KCNJ3: variants seen among roughly 807,000 people sequenced by gnomAD.
The protein encoded by KCNJ3 is G protein-activated inward rectifier potassium channel 1.
Under a neutral mutation model 39.2 loss-of-function variants are expected in KCNJ3, and 4 were observed. The ratio of observed to expected loss-of-function variants is 0.10; its 90% CI spans 0.05 to 0.23. The LOEUF is 0.23. Ranked by LOEUF, KCNJ3 falls within the 10% of genes least tolerant of loss-of-function variation. KCNJ3 has a pLI of 1.00. For missense variants in KCNJ3, 276 were observed against 634.9 expected (o/e 0.43, Z 6.08); for synonymous variants, 230 against 237.4 (o/e 0.97, Z 0.29).
At chr2:154,758,224 T>C (rs1245579046) in intron 2 of KCNJ3, among the ~76,000 whole-genome samples, 1 of 151,262 alleles carries the variant, frequency 6.6e-6, no homozygotes, top group African/African-American at 2.4e-5. Flanking sequence ...ATGGCTAGTA[T>C]GGCACTTGGT....
intron 2 of KCNJ3, among the ~76,000 whole-genome samples, chr2:154,763,662 A>G (rs773479010): frequency 6.6e-6 from 1 of 152,108 alleles, no homozygotes; most frequent in Non-Finnish European, 1.5e-5. Context: ...TCCCCTTTCT[A>G]CTGAAGGGAA....
chr2:154,766,296 T>C (rs866749655), intron 2 of KCNJ3, among the ~76,000 whole-genome samples: 11 of 152,172 alleles, frequency 7.2e-5, no homozygotes, highest in Non-Finnish European at 4.4e-5. Flanking sequence ...CATTTCCTTA[T>C]GTAAGCAATA....
At chr2:154,838,818 CAT>C (rs1175012446) in intron 2 of KCNJ3, among the ~76,000 whole-genome samples, 1 of 152,244 alleles carries the variant, frequency 6.6e-6, no homozygotes, top group African/African-American at 2.4e-5. Context: ...AAAGATGAAA[CAT>C]ATGTCATTGC....
Position 154,834,453 on chromosome 2 carries a change from C to T in KCNJ3, c.920-20274C>T, listed in dbSNP as rs192226272. On this transcript the variant is annotated intron_variant, in intron 2 of 2. Transcript: ENST00000295101. Reference sequence around the variant, plus strand: ...GGATTTGAAAATAAATCAGTTAGGCCGGGCACGGTGGCTAACACCTGTAAT... The same window carrying T: ...GGATTTGAAAATAAATCAGTTAGGCTGGGCACGGTGGCTAACACCTGTAAT... Among the ~76,000 whole-genome samples the T allele has an allele frequency of 2.8e-3, 426 of 152,144 alleles. 4 individuals carry two copies. The highest frequency in any genetic ancestry group is 0.01 in the African/African-American group (419 of 41,496).
intron 2 of KCNJ3, among the ~76,000 whole-genome samples, chr2:154,799,195 G>A (rs1044628531): frequency 2.6e-5 from 4 of 152,082 alleles, no homozygotes; most frequent in South Asian, 2.1e-4. Context: ...GCAGTGGCAC[G>A]ATCTTGGCTT....
At chr2:154,757,482 A>G (rs1448184310) in intron 2 of KCNJ3, among the ~76,000 whole-genome samples, 2 of 152,144 alleles carry the variant, frequency 1.3e-5, no homozygotes, top group Non-Finnish European at 2.9e-5. Context: ...ATTTCTCTCC[A>G]TATCTCCCCA....
intron 2 of KCNJ3, among the ~76,000 whole-genome samples, chr2:154,731,975 A>C (rs1336074122): frequency 6.6e-6 from 1 of 152,010 alleles, no homozygotes; most frequent in African/African-American, 2.4e-5. Context: ...AACATGTTAA[A>C]ATACACCTTT....
chr2:154,749,955 C>G (rs2105180839), intron 2 of KCNJ3, among the ~76,000 whole-genome samples: 1 of 151,932 alleles, frequency 6.6e-6, no homozygotes, highest in Middle Eastern at 3.4e-3. Context: ...ACCATAACCA[C>G]CGAAATAAAT....
intron 2 of KCNJ3, among the ~76,000 whole-genome samples, chr2:154,729,727 A>T (rs1201020411): frequency 3.3e-5 from 5 of 152,218 alleles, no homozygotes; most frequent in Non-Finnish European, 7.3e-5. Context: ...ATAAAGCAAT[A>T]CAGACTACAT....
At chr2:154,757,177 C>T (rs532101077) in intron 2 of KCNJ3, among the ~76,000 whole-genome samples, 82 of 152,148 alleles carry the variant, frequency 5.4e-4, no homozygotes, top group African/African-American at 1.9e-3. Context: ...TAAGTCAAGA[C>T]ATTTGAATTC....
chr2:154,746,548 T>C (rs1370920777), intron 2 of KCNJ3, among the ~76,000 whole-genome samples: 1 of 150,756 alleles, frequency 6.6e-6, no homozygotes, highest in Non-Finnish European at 1.5e-5. Context: ...GTTGGTTGAA[T>C]CCATGTATGC....
At position 154,807,897 on chromosome 2, in the gene KCNJ3, C is replaced by T. The variant is rs1686940085; in HGVS notation, c.920-46830C>T. Among the ~76,000 whole-genome samples the T allele has an allele frequency of 2.6e-5, 4 of 152,222 alleles. No individual in the cohort carries two copies. In the South Asian group the frequency reaches 8.3e-4, roughly 32 times the overall value. On this transcript the variant is annotated intron_variant, in intron 2 of 2. Coordinates refer to ENST00000295101, the MANE Select transcript of KCNJ3 (RefSeq NM_002239.4). ...AAGATCGTTAGTGTCTCTCCCCACTCTATCCCTCTTGGGTTCTAAGGTGTT... is the reference window on the plus strand; with the variant it reads ...AAGATCGTTAGTGTCTCTCCCCACTTTATCCCTCTTGGGTTCTAAGGTGTT...
chr2:154,799,480 G>C (rs1445003728), intron 2 of KCNJ3, among the ~76,000 whole-genome samples: 1 of 152,088 alleles, frequency 6.6e-6, no homozygotes, highest in African/African-American at 2.4e-5. Context: ...GAGGAGGGGT[G>C]GTGGGGTCTA....
chr2:154,831,888 G>A (rs563921821), intron 2 of KCNJ3, among the ~76,000 whole-genome samples: 1 of 152,134 alleles, frequency 6.6e-6, no homozygotes, highest in African/African-American at 2.4e-5. Context: ...TTTGGCTCAT[G>A]GTTCTGCAGG....
intron 2 of KCNJ3, among the ~76,000 whole-genome samples, chr2:154,823,019 A>C (rs1687211186): frequency 6.6e-6 from 1 of 151,800 alleles, no homozygotes; most frequent in Non-Finnish European, 1.5e-5. Flanking sequence ...ATAATATTAA[A>C]ATCTGATATT....
In KCNJ3 at chr2:154,819,688, G is replaced by A. The variant is rs373848969; in HGVS notation, c.920-35039G>A. Among the ~76,000 whole-genome samples, 12 of 151,686 alleles carry A rather than the reference G, an allele frequency of 7.9e-5. 1 individual carries two copies. The South Asian group carries it at 1.3e-3, about 16-fold the overall frequency. ...TGGGACTACAGGTGTGCACCACCAC[G>A]CCCAGCTAATTTTTGTATTTTTAGT... On this transcript the variant is annotated intron_variant, in intron 2 of 2. Coordinates refer to ENST00000295101, the MANE Select transcript of KCNJ3 (RefSeq NM_002239.4).
At chr2:154,847,567 T>C (rs902646671) in intron 2 of KCNJ3, among the ~76,000 whole-genome samples, 2 of 142,172 alleles carry the variant, frequency 1.4e-5, no homozygotes, top group Non-Finnish European at 3.1e-5. Context: ...ACTAACATGT[T>C]ATTTGGTTAA....
intron 2 of KCNJ3, among the ~76,000 whole-genome samples, chr2:154,761,278 C>T (rs1201610311): frequency 2.0e-5 from 3 of 152,008 alleles, no homozygotes; most frequent in Non-Finnish European, 2.9e-5. Context: ...AGTCTACCTT[C>T]ACAAGTTTGT....
intron 2 of KCNJ3, among the ~76,000 whole-genome samples, chr2:154,850,008 C>CTTTTTTTTTTTTTTTT (rs373062062): frequency 2.0e-5 from 1 of 48,838 alleles, no homozygotes; most frequent in African/African-American, 8.0e-5. Flanking sequence ...CAGAATAAAT[C>CTTTTTTTTTTTTTTTT]TTTTTTTTTT....
Sources: allele counts gnomAD v4.1 joint callset (sites outside exome capture counted in the v4.1 genomes callset), GRCh38; gene constraint gnomAD v4.1.1; transcripts MANE v1.5; gene names NCBI Gene and HGNC (gene_info 2026-07-23, HGNC 2026-07-21).